The following CNTLN variants were observed in gnomAD, a reference collection of about 807,000 sequenced individuals.
The protein encoded by CNTLN is centlein, centrosomal protein.
In CNTLN, 212 loss-of-function variants were observed where a neutral mutation model predicts 180.0. That is an observed-to-expected ratio of 1.18 (90% CI 1.05 to 1.32). CNTLN has a LOEUF of 1.32. Among genes scored for constraint, CNTLN ranks in the 40% most tolerant of loss-of-function variants. The pLI is 0.00. For synonymous variants in CNTLN, 722 were observed against 563.1 expected (o/e 1.28, Z -3.99); for missense variants, 2,095 against 1,610.9 (o/e 1.30, Z -5.14).
chr9:17,403,134 A>G (rs12339564), intron 15 of CNTLN, among the ~76,000 whole-genome samples: 68,741 of 151,414 alleles, frequency 0.45, 17,505 homozygotes, highest in Non-Finnish European at 0.56. Flanking sequence ...GGTGGCAGGA[A>G]GGTCTGTGGG....
intron 1 of CNTLN, among the ~76,000 whole-genome samples, chr9:17,141,653 GC>G (rs1301246581): frequency 1.3e-5 from 2 of 152,186 alleles, no homozygotes; most frequent in African/African-American, 4.8e-5. Flanking sequence ...ATGATACATA[GC>G]TGGGCAAGAG....
chr9:17,357,389 A>C (rs971231103), intron 12 of CNTLN, among the ~76,000 whole-genome samples: 2 of 151,786 alleles, frequency 1.3e-5, no homozygotes, highest in African/African-American at 4.8e-5. Flanking sequence ...AATGGCAAGT[A>C]TATTTTGGAA....
At position 17,502,943 on chromosome 9, in the gene CNTLN, G is replaced by T; in HGVS notation, c.*291G>T. On this transcript the variant is annotated 3_prime_UTR_variant, in exon 26 of 26. Transcript: ENST00000380647. ...CTAGTGCATTAAAAGAAACTGAGCAGGCTTGGTACACACAAATTGGCCTGA... is the reference window on the plus strand; with the variant it reads ...CTAGTGCATTAAAAGAAACTGAGCATGCTTGGTACACACAAATTGGCCTGA... 5.9e-6 allele frequency: 1 copy of T among 170,760 alleles called. No individual in the cohort carries two copies. The highest frequency in any genetic ancestry group is 1.2e-5 in the Non-Finnish European group (1 of 80,890). The allele number at this position is 170,760 out of a possible 1,614,324, so 10.6% of individuals were successfully genotyped here. A position where few individuals can be genotyped will look rare whatever the true frequency, so the allele number is the denominator to read the frequency against.
chr9:17,384,919 C>A (rs1315038498), intron 13 of CNTLN, among the ~76,000 whole-genome samples: 1 of 152,118 alleles, frequency 6.6e-6, no homozygotes, highest in Admixed American at 6.5e-5. Context: ...TTAGTGCAGA[C>A]CCTACAGATT....
chr9:17,299,321 A>G (rs1226040344), intron 7 of CNTLN: 1 of 267,710 alleles, frequency 3.7e-6, no homozygotes, highest in Middle Eastern at 1.7e-3. Context: ...ATTTTAATAA[A>G]TAATGTAGTT....
chr9:17,525,601 T>TA, the CNTLN span, among the ~76,000 whole-genome samples: 8 of 152,202 alleles, frequency 5.3e-5, no homozygotes, highest in African/African-American at 1.9e-4. Flanking sequence ...TGTTTAAAAT[T>TA]AAAAATTACA....
chr9:17,219,828 T>G (rs1824012787), intron 2 of CNTLN, among the ~76,000 whole-genome samples: 1 of 152,122 alleles, frequency 6.6e-6, no homozygotes, highest in African/African-American at 2.4e-5. Context: ...CAATGTGGTT[T>G]CTGGTGAGGG....
rs150162631 is a variant in CNTLN at position 17,502,707 on chromosome 9, G to T, written c.*55G>T. 1.1e-3 allele frequency: 666 copies of T among 627,210 alleles called. 14 individuals are homozygous for T. In the East Asian group the frequency reaches 0.021, roughly 20 times the overall value. 38.9% of individuals were successfully genotyped at this position (627,210 alleles called of 1,614,324 possible). A position where few individuals can be genotyped will look rare whatever the true frequency, so the allele number is the denominator to read the frequency against. On this transcript the variant is annotated 3_prime_UTR_variant, in exon 26 of 26. Transcript: ENST00000380647. Reference sequence around the variant, plus strand: ...TGAAAACTTTTTATGTGGTGTGATTGGAATACATGCATTGCAATCCTGACA... The same window carrying T: ...TGAAAACTTTTTATGTGGTGTGATTTGAATACATGCATTGCAATCCTGACA...
downstream of CNTLN, among the ~76,000 whole-genome samples, chr9:17,508,735 A>G (rs1446101516): frequency 2.6e-5 from 4 of 152,248 alleles, no homozygotes; most frequent in Non-Finnish European, 5.9e-5. Context: ...ATCATTGTAT[A>G]TATCAATAGC....
intron 23 of CNTLN, among the ~76,000 whole-genome samples, chr9:17,482,354 A>G (rs1235432339): frequency 6.6e-6 from 1 of 152,124 alleles, no homozygotes; most frequent in Non-Finnish European, 1.5e-5. Context: ...TCCTATAAAA[A>G]TAAGAAAATA....
chr9:17,426,150 A>G (rs902644539), intron 18 of CNTLN, among the ~76,000 whole-genome samples: 31 of 152,232 alleles, frequency 2.0e-4, no homozygotes, highest in Non-Finnish European at 5.9e-5. Flanking sequence ...GAAATAGACA[A>G]TGAAGGAAAG....
intron 8 of CNTLN, among the ~76,000 whole-genome samples, chr9:17,319,293 C>G (rs1819748226): frequency 2.0e-5 from 3 of 152,210 alleles, no homozygotes; most frequent in Admixed American, 1.3e-4. Flanking sequence ...AGTTATTATC[C>G]TAATTCAGTA....
chr9:17,226,191 T>C lies in CNTLN; in HGVS notation c.450-12T>C. On this transcript the variant is annotated splice_polypyrimidine_tract_variant and intron_variant, in intron 2 of 25. Coordinates refer to ENST00000380647, the MANE Select transcript of CNTLN (RefSeq NM_017738.4). ...AGTTATGACTAATAAACTCTCTATA[T>C]TTTATATCTAGAGAAAAACAGAAAT... The C allele has an allele frequency of 6.8e-7, 1 of 1,469,072 alleles. No homozygotes were observed. Among genetic ancestry groups the C allele is most frequent in the Non-Finnish European group, 9.3e-7 (1 of 1,074,562 alleles). 91.0% of individuals were successfully genotyped at this position (1,469,072 alleles called of 1,614,324 possible).
rs189653571 is a variant in CNTLN at position 17,482,653 on chromosome 9, A to T, written c.3856-1642A>T. ...AAGCAAGAACAGCAAGAAAAATCTGATAAAGAAGGGTAGTGAGAGAGATTG... is the reference window on the plus strand; with the variant it reads ...AAGCAAGAACAGCAAGAAAAATCTGTTAAAGAAGGGTAGTGAGAGAGATTG... On this transcript the variant is annotated intron_variant, in intron 23 of 25. Coordinates refer to ENST00000380647, the MANE Select transcript of CNTLN (RefSeq NM_017738.4). Among the ~76,000 whole-genome samples the T allele has an allele frequency of 2.0e-4, 31 of 152,316 alleles. No homozygotes were observed. The East Asian group carries it at 5.8e-3, about 28-fold the overall frequency.
chr9:17,479,184 A>C (rs58791247), intron 23 of CNTLN, among the ~76,000 whole-genome samples: 1,587 of 152,306 alleles, frequency 0.01, 26 homozygotes, highest in African/African-American at 0.035. Flanking sequence ...TAGTAATCCC[A>C]CTTCTGGGTA....
At chr9:17,486,343 G>GT (rs940339862) in intron 24 of CNTLN, among the ~76,000 whole-genome samples, 85 of 148,904 alleles carry the variant, frequency 5.7e-4, no homozygotes, top group South Asian at 2.6e-3. Context: ...TGGAAAGTCA[G>GT]TTTTTTTTTT....
intron 23 of CNTLN, among the ~76,000 whole-genome samples, chr9:17,467,370 A>G (rs150371147): frequency 3.3e-5 from 5 of 151,680 alleles, no homozygotes; most frequent in Admixed American, 6.6e-5. Flanking sequence ...GCAGAGGTGT[A>G]CCATCTAGAA....
At chr9:17,408,386 A>G (rs1318339168) in intron 15 of CNTLN, among the ~76,000 whole-genome samples, 2 of 152,002 alleles carry the variant, frequency 1.3e-5, no homozygotes, top group Admixed American at 6.6e-5. Context: ...TTGACATAGT[A>G]TGTATTTTAC....
chr9:17,217,731 T>C (rs1350206968), intron 2 of CNTLN, among the ~76,000 whole-genome samples: 1 of 152,210 alleles, frequency 6.6e-6, no homozygotes, highest in African/African-American at 2.4e-5. Flanking sequence ...CTTTTCCTAC[T>C]CTTTTATGTT....
Sources: gnomAD v4.1 joint callset for allele counts (sites outside exome capture counted in the v4.1 genomes callset) on GRCh38, gnomAD v4.1.1 for gene constraint, MANE v1.5 for transcripts, NCBI Gene and HGNC (gene_info 2026-07-23, HGNC 2026-07-21) for gene names.